The following RTN1 variants were observed in gnomAD, a reference collection of about 807,000 sequenced individuals.
RTN1 encodes the protein reticulon-1.
RTN1 carries 25 observed loss-of-function variants against 65.5 expected under a neutral mutation model. That is an observed-to-expected ratio of 0.38 (90% CI 0.28 to 0.53). The LOEUF (loss-of-function observed/expected upper bound fraction) is 0.53, where lower values mean the gene tolerates loss of function less well. RTN1 is among the 20% of genes least tolerant of loss of function. The probability of loss-of-function intolerance (pLI) is 0.79; values close to 1 mark genes in which losing one functional copy is unlikely to be tolerated. For missense variants in RTN1, 983 were observed against 1,025.4 expected (o/e 0.96, Z 0.57); for synonymous variants, 471 against 447.6 (o/e 1.05, Z -0.66).
chr14:59,746,230 C>G lies in RTN1; in HGVS notation c.493G>C (p.Asp165His). ...GCAGGAGTCATCTCTATTCCAGAAT[C>G]AGAACTAAATAAGCCACGAGACTCT... Reference protein sequence around the residue: ...GIESRGLFSSDSGIEMTPAES... With the variant: ...GIESRGLFSSHSGIEMTPAES... Residue 165 changes from aspartate (D) to histidine (H), a missense_variant, in exon 2 of 9, where the codon GAT (aspartate) becomes CAT (histidine). Transcript: ENST00000267484. 1 of 1,612,696 alleles carries G rather than the reference C, an allele frequency of 6.2e-7. No individual in the cohort carries two copies. The highest frequency in any genetic ancestry group is 8.5e-7 in the Non-Finnish European group (1 of 1,179,412).
intron 3 of RTN1, among the ~76,000 whole-genome samples, chr14:59,714,293 A>T (rs1481168090): frequency 6.6e-6 from 1 of 152,124 alleles, no homozygotes; most frequent in Non-Finnish European, 1.5e-5. Context: ...CACAACATAC[A>T]TTCTAACTAT....
chr14:59,863,633 C>G (rs1887748609), intron 1 of RTN1, among the ~76,000 whole-genome samples: 1 of 152,190 alleles, frequency 6.6e-6, no homozygotes. Flanking sequence ...GATCTCATCT[C>G]TACACCAACA....
At chr14:59,630,417 G>A in intron 3 of RTN1, 1 of 1,612,844 alleles carries the variant, frequency 6.2e-7, no homozygotes, top group Non-Finnish European at 8.5e-7. Flanking sequence ...GTGCGCCTCA[G>A]GCATGCACTA....
At chr14:59,663,289 G>A (rs1012222571) in intron 3 of RTN1, among the ~76,000 whole-genome samples, 2 of 152,112 alleles carry the variant, frequency 1.3e-5, no homozygotes, top group Admixed American at 1.3e-4. Flanking sequence ...AGACTTAAAT[G>A]TAAGACCTAA....
At chr14:59,677,679 T>C (rs1349236785) in intron 3 of RTN1, among the ~76,000 whole-genome samples, 2 of 152,202 alleles carry the variant, frequency 1.3e-5, no homozygotes, top group African/African-American at 2.4e-5. Context: ...AAAGATGATA[T>C]GGACCTGCCT....
At chr14:59,807,487 C>T (rs1171639186) in intron 1 of RTN1, among the ~76,000 whole-genome samples, 1 of 152,184 alleles carries the variant, frequency 6.6e-6, no homozygotes, top group Admixed American at 6.5e-5. Flanking sequence ...CAGCCTTTCA[C>T]ATCAGTGCCA....
At chr14:59,597,299 A>G (rs1475943881) in intron 8 of RTN1, among the ~76,000 whole-genome samples, 1 of 152,214 alleles carries the variant, frequency 6.6e-6, no homozygotes, top group Non-Finnish European at 1.5e-5. Context: ...TCCTAGTCTC[A>G]GCTATTCTAT....
rs144662900 is a variant in RTN1, at chr14:59,772,732, T to C, written c.242-26251A>G. Reference sequence around the variant, plus strand: ...CGAGGCTCATAGTCTTTGTCCTTTATTGTTTAGCATCTAAGATTTTCAAAC... The same window carrying C: ...CGAGGCTCATAGTCTTTGTCCTTTACTGTTTAGCATCTAAGATTTTCAAAC... On this transcript the variant is annotated intron_variant, in intron 1 of 8. Coordinates refer to ENST00000267484, the MANE Select transcript of RTN1 (RefSeq NM_021136.3). 4.6e-5 allele frequency among the ~76,000 whole-genome samples: 7 copies of C among 152,282 alleles called. No individual in the cohort carries two copies. In the East Asian group the frequency reaches 1.3e-3, roughly 29 times the overall value.
chr14:59,631,928 C>G (rs536941325), intron 3 of RTN1, among the ~76,000 whole-genome samples: 1 of 152,222 alleles, frequency 6.6e-6, no homozygotes, highest in Non-Finnish European at 1.5e-5. Flanking sequence ...GATTCTTCTA[C>G]AGTTGCCAGA....
intron 1 of RTN1, among the ~76,000 whole-genome samples, chr14:59,791,226 G>A (rs550367190): frequency 8.6e-5 from 13 of 151,750 alleles, no homozygotes; most frequent in Admixed American, 1.3e-4. Context: ...CCTAGTTTCC[G>A]TGTGTTTTCT....
intron 3 of RTN1, among the ~76,000 whole-genome samples, chr14:59,689,213 T>C (rs1883907206): frequency 1.3e-5 from 2 of 152,050 alleles, no homozygotes; most frequent in African/African-American, 4.8e-5. Context: ...AGAAAGAATT[T>C]CAGTGCGTGA....
At chr14:59,666,449 A>G (rs564688786) in intron 3 of RTN1, among the ~76,000 whole-genome samples, 3 of 152,174 alleles carry the variant, frequency 2.0e-5, no homozygotes, top group Admixed American at 2.0e-4. Context: ...CAGTGTGTAG[A>G]GGGAAATTTA....
chr14:59,746,169 G>C lies in RTN1; in HGVS notation c.554C>G (p.Pro185Arg), dbSNP rs538879656. ...GGCCTCTGCTTTCATCTGGTCCAGA[G>C]GGTCTGCTAAGATCTTGTTCACTTC... ...STEVNKILAD[P>R]LDQMKAEAYK... is the part of the protein sequence containing the mutation. The change falls in exon 2 of 9, where the codon CCT becomes CGT. Residue 185 changes from proline to arginine, a missense_variant. This residue lies in a region of RTN1 where 818 missense variants were observed against 801.8 expected (regional missense o/e 1.02). Transcript: ENST00000267484. 7.5e-6 allele frequency: 12 copies of C among 1,606,842 alleles called. No individual in the cohort carries two copies. The African/African-American group carries it at 1.6e-4, about 22-fold the overall frequency.
intron 1 of RTN1, among the ~76,000 whole-genome samples, chr14:59,762,328 C>T (rs181410758): frequency 6.6e-6 from 1 of 152,242 alleles, no homozygotes; most frequent in Admixed American, 6.5e-5. Context: ...ATAATAACAA[C>T]TAACATTTAA....
chr14:59,870,268 G>A lies in RTN1; in HGVS notation c.241+122C>T, dbSNP rs1887872411. On this transcript the variant is annotated intron_variant, in intron 1 of 8. Transcript: ENST00000267484. The surrounding 1 kb of genome is among the most constrained non-coding windows in gnomAD (Gnocchi z 5.1). The stretch of plus-strand genomic sequence containing the variant: ...TCCCAGTCGCCCGTGGCGACGCGGG[G>A]GTGGGGTCGGCGCTCAAGGCAGAAA... The A allele has an allele frequency of 3.1e-6, 3 of 978,640 alleles. No homozygotes were observed. Among genetic ancestry groups the A allele is most frequent in the Admixed American group, 4.2e-5 (1 of 23,992 alleles). 60.6% of individuals were successfully genotyped at this position (978,640 alleles called of 1,614,324 possible).
intron 3 of RTN1, among the ~76,000 whole-genome samples, chr14:59,642,607 T>A (rs540487883): frequency 3.3e-4 from 50 of 152,344 alleles, no homozygotes; most frequent in Middle Eastern, 3.4e-3. Context: ...TTAAACATAG[T>A]CAATTAAGTC....
chr14:59,717,289 G>T (rs565054181), intron 3 of RTN1, among the ~76,000 whole-genome samples: 23 of 152,308 alleles, frequency 1.5e-4, no homozygotes, highest in Non-Finnish European at 2.8e-4. Context: ...GTAAGAAAAT[G>T]AAGTGCCTGC....
chr14:59,667,912 C>T (rs1425731954), intron 3 of RTN1, among the ~76,000 whole-genome samples: 2 of 152,174 alleles, frequency 1.3e-5, no homozygotes, highest in East Asian at 1.9e-4. Flanking sequence ...TGAAGGACCT[C>T]TTCAAGGAGA....
At chr14:59,604,487 T>A (rs1021328687) in intron 5 of RTN1, 1 of 152,510 alleles carries the variant, frequency 6.6e-6, no homozygotes, top group Non-Finnish European at 1.5e-5. Flanking sequence ...AATTTTTACA[T>A]TACAAATACA....
Sources: allele counts gnomAD v4.1 joint callset (sites outside exome capture counted in the v4.1 genomes callset), GRCh38; gene constraint gnomAD v4.1.1; regional missense constraint gnomAD v4.1.1; non-coding constraint Gnocchi (gnomAD v3.1); transcripts MANE v1.5; gene names NCBI Gene and HGNC (gene_info 2026-07-23, HGNC 2026-07-21).